EIF4E2: variants seen among roughly 807,000 people sequenced by gnomAD.
The protein encoded by EIF4E2 is eukaryotic translation initiation factor 4E type 2.
A neutral mutation model predicts 34.2 loss-of-function variants in EIF4E2; 13 were observed. The ratio of observed to expected loss-of-function variants is 0.38; its 90% CI spans 0.25 to 0.60. EIF4E2 has a LOEUF of 0.60. Ranked by LOEUF, EIF4E2 falls within the 20% of genes least tolerant of loss-of-function variation. The pLI is 0.62. For missense variants in EIF4E2, 222 were observed against 315.1 expected, an observed-to-expected ratio of 0.70 and a Z score of 2.24; for synonymous variants, 100 against 106.6, an observed-to-expected ratio of 0.94 and a Z score of 0.38.
intron 3 of EIF4E2, among the ~76,000 whole-genome samples, chr2:232,561,728 G>A (rs1484478482): frequency 6.6e-6 from 1 of 152,172 alleles, no homozygotes; most frequent in Non-Finnish European, 1.5e-5. Flanking sequence ...CACTAGACTT[G>A]GTAATCAGAG....
downstream of EIF4E2, among the ~76,000 whole-genome samples, chr2:232,572,486 C>G (rs1486702197): frequency 6.6e-6 from 1 of 152,210 alleles, no homozygotes; most frequent in African/African-American, 2.4e-5. Context: ...TTGCCTCAGC[C>G]TCCCGAGTAG....
At chr2:232,555,325 T>C (rs1692483154) in intron 1 of EIF4E2, among the ~76,000 whole-genome samples, 1 of 152,198 alleles carries the variant, frequency 6.6e-6, no homozygotes, top group Non-Finnish European at 1.5e-5. Flanking sequence ...CTGTGATGAA[T>C]TAATGGTCCA....
In EIF4E2 at chr2:232,558,149, G is replaced by C. The variant is rs538461209; in HGVS notation, c.270+131G>C. 5 of 1,232,462 alleles carry C rather than the reference G, an allele frequency of 4.1e-6. No individual in the cohort carries two copies. In the South Asian group the frequency reaches 8.0e-5, roughly 20 times the overall value. 76.3% of individuals were successfully genotyped at this position (1,232,462 alleles called of 1,614,324 possible). A position where few individuals can be genotyped will look rare whatever the true frequency, so the allele number is the denominator to read the frequency against. On this transcript the variant is annotated intron_variant, in intron 3 of 6. Transcript: ENST00000258416. Reference sequence around the variant, plus strand: ...TCTTAATTGACTGACCTGAGTCTCCGGAGTCAGATTTGTTCATTCTTAGGT... The same window carrying C: ...TCTTAATTGACTGACCTGAGTCTCCCGAGTCAGATTTGTTCATTCTTAGGT...
At chr2:232,555,413 T>G (rs1349362504) in intron 1 of EIF4E2, among the ~76,000 whole-genome samples, 1 of 152,260 alleles carries the variant, frequency 6.6e-6, no homozygotes, top group Non-Finnish European at 1.5e-5. Context: ...CCGGTGATTT[T>G]AGGTGTACCT....
At chr2:232,558,073 TTGATA>T in intron 3 of EIF4E2, 55 bp downstream of exon 3, 1 of 1,587,538 alleles carries the variant, frequency 6.3e-7, no homozygotes, top group Admixed American at 1.7e-5. Flanking sequence ...CATGCCTGTA[TTGATA>T]TGATGTTTAT....
In EIF4E2 at chr2:232,581,242, G is replaced by A. The variant is rs1693353540; in HGVS notation, c.*299G>A. The stretch of plus-strand genomic sequence containing the variant: ...TGTGTGCTGTCCAGATGCCTCTTGG[G>A]CGTCCTGTTGTTCTCTTCCCGTGTT... On this transcript the variant is annotated 3_prime_UTR_variant, in exon 7 of 7. Transcript: ENST00000409098. The surrounding 1 kb of genome is among the most constrained non-coding windows in gnomAD (Gnocchi z 5.2). 2.0e-6 allele frequency: 1 copy of A among 493,030 alleles called. No homozygotes were observed. Among genetic ancestry groups the A allele is most frequent in the Admixed American group, 2.7e-5 (1 of 36,744 alleles). The allele number at this position is 493,030 out of a possible 1,614,324, so 30.5% of individuals were successfully genotyped here. A position where few individuals can be genotyped will look rare whatever the true frequency, so the allele number is the denominator to read the frequency against.
chr2:232,579,097 A>G (rs1282403170), intron 6 of EIF4E2, among the ~76,000 whole-genome samples: 1 of 150,294 alleles, frequency 6.7e-6, no homozygotes, highest in African/African-American at 2.4e-5. Flanking sequence ...GTAACACAGC[A>G]TATTTTCCCT....
chr2:232,557,950 AC>A lies in EIF4E2; in HGVS notation c.207del (p.Gly70AlafsTer38). The A allele has an allele frequency of 6.2e-7, 1 of 1,614,052 alleles. No homozygotes were observed. Among genetic ancestry groups the A allele is most frequent in the African/African-American group, 1.3e-5 (1 of 74,998 alleles). On this transcript the variant is annotated frameshift_variant, in exon 3 of 7. Coordinates refer to ENST00000258416, the MANE Select transcript of EIF4E2 (RefSeq NM_004846.4). LOFTEE classifies it high-confidence loss of function. ...CTACACTTTTTGGTACTCCAGGAGA[AC>A]CCCCGGCCGTCCCACGAGCTCACAG... ...YNYTFWYSRRTPGRPTSSQSY... is the reference protein window; with the variant it reads ...YNYTFWYSRRXPGRPTSSQSY...
At chr2:232,567,612 GC>G (rs1559319748) in intron 6 of EIF4E2, 4 of 1,126,102 alleles carry the variant, frequency 3.6e-6, no homozygotes, top group African/African-American at 1.6e-5. Flanking sequence ...TAACTTGTTA[GC>G]TTCAGTCTAT....
intron 6 of EIF4E2, chr2:232,580,874 ACT>A (rs1574682005): frequency 1.3e-6 from 2 of 1,536,042 alleles, no homozygotes; most frequent in Non-Finnish European, 1.8e-6. Flanking sequence ...TGTATTGAAC[ACT>A]CTATTTTCTC....
intron 3 of EIF4E2, 147 bp from the exon 4 acceptor site, chr2:232,564,100 C>T (rs1041855893): frequency 1.5e-5 from 7 of 453,666 alleles, no homozygotes; most frequent in African/African-American, 8.1e-5. Context: ...CCTCACAACA[C>T]CACACATGAA....
intron 6 of EIF4E2, chr2:232,574,481 A>C: frequency 1.9e-5 from 16 of 847,970 alleles, no homozygotes; most frequent in South Asian, 3.3e-5. Flanking sequence ...CTGGATTCTC[A>C]TCCTCCCTGG....
At chr2:232,570,268 A>G (rs965307524), downstream of EIF4E2, among the ~76,000 whole-genome samples, 3 of 152,030 alleles carry the variant, frequency 2.0e-5, no homozygotes, top group Non-Finnish European at 4.4e-5. Flanking sequence ...TGTTTGTGTC[A>G]TTGCATCTTT....
chr2:232,568,151 A>G, intron 6 of EIF4E2: 1 of 985,170 alleles, frequency 1.0e-6, no homozygotes, highest in Non-Finnish European at 1.2e-6. Flanking sequence ...TATTGCTATC[A>G]TCATCATCAT....
intron 1 of EIF4E2, 92 bp downstream of exon 1, chr2:232,550,836 G>T: frequency 7.9e-7 from 1 of 1,259,216 alleles, no homozygotes; most frequent in Middle Eastern, 2.2e-4. Flanking sequence ...AAACCCTGCG[G>T]CACCGGCTTC....
intron 3 of EIF4E2, 59 bp downstream of exon 3, chr2:232,558,077 T>TA: frequency 6.4e-7 from 1 of 1,571,106 alleles, no homozygotes; most frequent in Non-Finnish European, 8.7e-7. Context: ...CCTGTATTGA[T>TA]ATGATGTTTA....
downstream of EIF4E2, chr2:232,569,939 G>T (rs1693052739): frequency 6.6e-6 from 1 of 152,236 alleles, no homozygotes; most frequent in South Asian, 2.1e-4. Flanking sequence ...GCTTTGGCTT[G>T]TATGTGCTGC....
Position 232,566,623 on chromosome 2 carries a change from C to T in EIF4E2, c.376-206C>T, listed in dbSNP as rs1016519911. Among the ~76,000 whole-genome samples, 6 of 152,190 alleles carry T rather than the reference C, an allele frequency of 3.9e-5. No individual in the cohort carries two copies. Among genetic ancestry groups the T allele is most frequent in the African/African-American group, 7.2e-5 (3 of 41,442 alleles). ...TCTGTTTAGCCATTTTAATAAATGG[C>T]TTATGCCAAGGATCCCAGCCTTGTT... is the stretch of plus-strand genomic sequence containing the variant. On this transcript the variant is annotated intron_variant, in intron 4 of 6. Coordinates refer to ENST00000258416, the MANE Select transcript of EIF4E2 (RefSeq NM_004846.4). This position sits in a 1 kb window ranked among gnomAD's most constrained non-coding sequence, Gnocchi z 4.9.
At chr2:232,560,485 T>A (rs1692684845) in intron 3 of EIF4E2, among the ~76,000 whole-genome samples, 2 of 152,176 alleles carry the variant, frequency 1.3e-5, no homozygotes, top group African/African-American at 4.8e-5. Flanking sequence ...AGCAAAAGAT[T>A]AAATACTTGG....
Sources: allele counts gnomAD v4.1 joint callset (sites outside exome capture counted in the v4.1 genomes callset), GRCh38; gene constraint gnomAD v4.1.1; non-coding constraint Gnocchi (gnomAD v3.1); transcripts MANE v1.5; gene names NCBI Gene and HGNC (gene_info 2026-07-23, HGNC 2026-07-21).